ALKAL1: variants seen among roughly 807,000 people sequenced by gnomAD.
ALKAL1 encodes the protein AUG-beta.
Under a neutral mutation model 13.5 loss-of-function variants are expected in ALKAL1, and 23 were observed. That is an observed-to-expected ratio of 1.70 (90% CI 1.23 to 2.41). ALKAL1 has a LOEUF of 2.41. ALKAL1 is among the 30% of genes most tolerant of loss of function. The pLI is 0.00. For synonymous variants in ALKAL1, 85 were observed against 77.7 expected (o/e 1.09, Z -0.49); for missense variants, 181 against 178.4 (o/e 1.01, Z -0.08).
Position 52,562,604 on chromosome 8 carries a change from T to A in ALKAL1, c.190+2463A>T, listed in dbSNP as rs541651303. Among the ~76,000 whole-genome samples, 22 of 152,248 alleles carry A rather than the reference T, an allele frequency of 1.4e-4. No individual in the cohort carries two copies. The South Asian group carries it at 4.4e-3, about 30-fold the overall frequency. On this transcript the variant is annotated intron_variant, in intron 1 of 4. Transcript: ENST00000358543. The stretch of plus-strand genomic sequence containing the variant: ...GGTTACTACTCCCTCTACCTGGAAA[T>A]GATCCCCCCACCTCCAGCTCACATC...
In ALKAL1 at chr8:52,565,248, G is replaced by A; in HGVS notation, c.9C>T (p.Pro3=). The change falls in exon 1 of 5, where the codon CCC becomes CCT. Residue 3 remains proline, a synonymous_variant. Transcript: ENST00000358543. ...CGGGCAAAGGGGCGCCGGGCTTAAG[G>A]GGCCGCATGTTCGCAAGCCGGGAGG... MR[P]LKPGAPLPAL... The A allele has an allele frequency of 1.5e-6, 2 of 1,313,664 alleles. No homozygotes were observed. The highest frequency in any genetic ancestry group is 2.0e-6 in the Non-Finnish European group (2 of 1,024,410). The allele number at this position is 1,313,664 out of a possible 1,614,324, so 81.4% of individuals were successfully genotyped here. A position where few individuals can be genotyped will look rare whatever the true frequency, so the allele number is the denominator to read the frequency against.
At chr8:52,559,686 A>C (rs1847520417) in intron 1 of ALKAL1, among the ~76,000 whole-genome samples, 2 of 152,212 alleles carry the variant, frequency 1.3e-5, no homozygotes, top group African/African-American at 4.8e-5. Context: ...CATTTTAACA[A>C]CTACTGCTCT....
intron 1 of ALKAL1, among the ~76,000 whole-genome samples, chr8:52,558,902 T>C (rs1312405926): frequency 6.6e-6 from 1 of 152,098 alleles, no homozygotes; most frequent in South Asian, 2.1e-4. Context: ...AAGCTCAAGA[T>C]TGGGCATCGG....
chr8:52,563,793 C>A (rs552351440), intron 1 of ALKAL1, among the ~76,000 whole-genome samples: 1 of 152,230 alleles, frequency 6.6e-6, no homozygotes, highest in Admixed American at 6.5e-5. Flanking sequence ...ACCAGCTGGG[C>A]AGCCCACCTC....
intron 4 of ALKAL1, among the ~76,000 whole-genome samples, chr8:52,537,966 C>T (rs1426275396): frequency 6.6e-6 from 1 of 151,684 alleles, no homozygotes. Context: ...CATGGTGGCA[C>T]GTGCCTGTAG....
At position 52,565,077 on chromosome 8, in the gene ALKAL1, G is replaced by A; in HGVS notation, c.180C>T (p.Ser60=). Reference sequence around the variant, plus strand: ...ATGGGGACATCGTACCTGCGCTCCGGGAGCCGCTGGGAGTCCGGCCGGCCC... The same window carrying A: ...ATGGGGACATCGTACCTGCGCTCCGAGAGCCGCTGGGAGTCCGGCCGGCCC... The part of the protein sequence containing the change: ...AAGAGRTPSG[S]RSAEIFPRDS... Residue 60 remains serine (S), a synonymous_variant, in exon 1 of 5, where the codon TCC becomes TCT. Transcript: ENST00000358543. 7.1e-7 allele frequency: 1 copy of A among 1,402,708 alleles called. No homozygotes were observed. 86.9% of individuals were successfully genotyped at this position (1,402,708 alleles called of 1,614,324 possible). A position where few individuals can be genotyped will look rare whatever the true frequency, so the allele number is the denominator to read the frequency against.
intron 1 of ALKAL1, among the ~76,000 whole-genome samples, chr8:52,562,810 C>T (rs1343236118): frequency 3.3e-5 from 5 of 152,142 alleles, no homozygotes. Flanking sequence ...TCCTTGGCCT[C>T]CCGGACCTGC....
intron 1 of ALKAL1, among the ~76,000 whole-genome samples, chr8:52,562,820 C>G (rs542262895): frequency 6.6e-6 from 1 of 152,110 alleles, no homozygotes; most frequent in African/African-American, 2.4e-5. Flanking sequence ...CCCGGACCTG[C>G]GAGATATTTT....
In ALKAL1 at chr8:52,555,041, G is replaced by A. The variant is rs546962884; in HGVS notation, c.190+10026C>T. ...AAAAAATTAGCCAGGTGTGGTGGCG[G>A]GCGCCTGTAGTCCCAGCTACTCAGG... On this transcript the variant is annotated intron_variant, in intron 1 of 4. Transcript: ENST00000358543. 8.5e-5 allele frequency among the ~76,000 whole-genome samples: 13 copies of A among 152,082 alleles called. 1 individual carries two copies. The South Asian group carries it at 2.5e-3, about 29-fold the overall frequency.
intron 1 of ALKAL1, among the ~76,000 whole-genome samples, chr8:52,564,074 AGGAG>A (rs1355756800): frequency 6.6e-6 from 1 of 152,224 alleles, no homozygotes; most frequent in African/African-American, 2.4e-5. Flanking sequence ...ATAAAGCCTG[AGGAG>A]AAGGGATCAG....
At chr8:52,540,751 T>TACA (rs767719801) in intron 2 of ALKAL1, among the ~76,000 whole-genome samples, 3 of 151,676 alleles carry the variant, frequency 2.0e-5, no homozygotes, top group East Asian at 1.9e-4. Flanking sequence ...AAAATACACA[T>TACA]ACAACAACAA....
intron 1 of ALKAL1, among the ~76,000 whole-genome samples, chr8:52,549,367 A>T (rs1182267740): frequency 6.6e-6 from 1 of 151,678 alleles, no homozygotes; most frequent in Non-Finnish European, 1.5e-5. Context: ...GAAAAATTCA[A>T]ATTTAATTTC....
At chr8:52,547,354 G>A (rs534983746) in intron 1 of ALKAL1, among the ~76,000 whole-genome samples, 5 of 152,060 alleles carry the variant, frequency 3.3e-5, no homozygotes, top group African/African-American at 9.6e-5. Context: ...AAAAAAATTA[G>A]CCTAGCGTGG....
chr8:52,558,967 C>T (rs977089636), intron 1 of ALKAL1, among the ~76,000 whole-genome samples: 1 of 152,088 alleles, frequency 6.6e-6, no homozygotes, highest in Non-Finnish European at 1.5e-5. Context: ...GAAGGGGAGC[C>T]GCTGTGTGCA....
At chr8:52,551,832 T>G (rs1445073418) in intron 1 of ALKAL1, among the ~76,000 whole-genome samples, 1 of 152,212 alleles carries the variant, frequency 6.6e-6, no homozygotes, top group African/African-American at 2.4e-5. Flanking sequence ...TCAAGAGTGA[T>G]ATAAAACTTT....
chr8:52,544,054 G>A (rs1847342625), intron 1 of ALKAL1, among the ~76,000 whole-genome samples: 1 of 152,026 alleles, frequency 6.6e-6, no homozygotes, highest in South Asian at 2.1e-4. Flanking sequence ...GTGTGTGTCT[G>A]TCTTCCCCAC....
Position 52,565,359 on chromosome 8 carries a change from T to G in ALKAL1, c.-103A>C. 1.0e-6 allele frequency: 1 copy of G among 979,656 alleles called. No homozygotes were observed. The highest frequency in any genetic ancestry group is 1.3e-6 in the Non-Finnish European group (1 of 745,554). The allele number at this position is 979,656 out of a possible 1,614,324, so 60.7% of individuals were successfully genotyped here. A position where few individuals can be genotyped will look rare whatever the true frequency, so the allele number is the denominator to read the frequency against. ...AAGGCCAGCGGGACCACAGCGCGGCTACGCGGCCGGCCGCAGTCTTCACCG... is the reference window on the plus strand; with the variant it reads ...AAGGCCAGCGGGACCACAGCGCGGCGACGCGGCCGGCCGCAGTCTTCACCG... On this transcript the variant is annotated 5_prime_UTR_variant, in exon 1 of 5. Transcript: ENST00000358543.
At chr8:52,562,049 G>A (rs1327496890) in intron 1 of ALKAL1, among the ~76,000 whole-genome samples, 1 of 152,152 alleles carries the variant, frequency 6.6e-6, no homozygotes, top group Non-Finnish European at 1.5e-5. Flanking sequence ...CAGTGGGTGA[G>A]TGCTCTGATG....
chr8:52,537,059 G>T (rs1338324712), intron 4 of ALKAL1, among the ~76,000 whole-genome samples: 1 of 152,130 alleles, frequency 6.6e-6, no homozygotes, highest in East Asian at 1.9e-4. Context: ...TAGAATGAGA[G>T]AAAAGATTTG....
Sources: gnomAD v4.1 joint callset for allele counts (sites outside exome capture counted in the v4.1 genomes callset) on GRCh38, gnomAD v4.1.1 for gene constraint, MANE v1.5 for transcripts, NCBI Gene and HGNC (gene_info 2026-07-23, HGNC 2026-07-21) for gene names.